Variants in GALNT13 observed in about 807,000 individuals in gnomAD.
GALNT13 encodes the protein UDP-GalNAc:polypeptide N-acetylgalactosaminyltransferase 13.
A neutral mutation model predicts 64.2 loss-of-function variants in GALNT13; 28 were observed. That is an observed-to-expected ratio of 0.44 (90% CI 0.32 to 0.60). The LOEUF (loss-of-function observed/expected upper bound fraction) is 0.60. GALNT13 is among the 20% of genes least tolerant of loss of function. GALNT13 has a pLI of 0.05. For missense variants in GALNT13, 577 were observed against 669.8 expected, an observed-to-expected ratio of 0.86 and a Z score of 1.53; for synonymous variants, 214 against 224.6, an observed-to-expected ratio of 0.95 and a Z score of 0.42.
At chr2:153,426,745 A>G in the GALNT13 span, among the ~76,000 whole-genome samples, 2 of 151,936 alleles carry the variant, frequency 1.3e-5, no homozygotes, top group African/African-American at 2.4e-5. Context: ...TATGAGATTG[A>G]AACAAAACTC....
the GALNT13 span, among the ~76,000 whole-genome samples, chr2:153,251,699 G>A: frequency 3.5e-5 from 5 of 143,092 alleles, no homozygotes; most frequent in Non-Finnish European, 6.0e-5. Flanking sequence ...CAGTTCCCAC[G>A]TATGAGTGAG....
At chr2:153,167,834 G>A in the GALNT13 span, among the ~76,000 whole-genome samples, 10 of 152,182 alleles carry the variant, frequency 6.6e-5, no homozygotes, top group South Asian at 2.1e-4. Context: ...ATTTCAAAGA[G>A]CAAGGTTAGG....
chr2:153,416,604 C>G, the GALNT13 span, among the ~76,000 whole-genome samples: 1 of 152,086 alleles, frequency 6.6e-6, no homozygotes, highest in Non-Finnish European at 1.5e-5. Context: ...CTGCTGATTA[C>G]CATTCTGTTT....
At chr2:153,575,229 G>T in the GALNT13 span, among the ~76,000 whole-genome samples, 1 of 152,220 alleles carries the variant, frequency 6.6e-6, no homozygotes, top group African/African-American at 2.4e-5. Context: ...ACATCTCTTT[G>T]TCCCTTTACT....
the GALNT13 span, among the ~76,000 whole-genome samples, chr2:153,489,819 G>A: frequency 6.6e-6 from 1 of 152,124 alleles, no homozygotes; most frequent in Non-Finnish European, 1.5e-5. Flanking sequence ...TATCAAAACT[G>A]TTGCAAAGTA....
chr2:153,774,296 G>A, the GALNT13 span, among the ~76,000 whole-genome samples: 623 of 151,964 alleles, frequency 4.1e-3, 6 homozygotes, highest in Non-Finnish European at 6.2e-3. Context: ...GGGCTTATAG[G>A]TGATGTTTCT....
intron 3 of GALNT13, among the ~76,000 whole-genome samples, chr2:153,946,745 T>C (rs953178200): frequency 2.6e-5 from 4 of 152,144 alleles, no homozygotes; most frequent in Admixed American, 6.6e-5. Context: ...TTTCAGTATA[T>C]GAATTTTGCA....
the GALNT13 span, among the ~76,000 whole-genome samples, chr2:153,599,615 T>C: frequency 6.6e-6 from 1 of 151,992 alleles, no homozygotes; most frequent in Admixed American, 6.6e-5. Flanking sequence ...TCAGGCCTTA[T>C]AGCTGTTTCA....
intron 4 of GALNT13, among the ~76,000 whole-genome samples, chr2:154,169,313 C>A (rs1685223233): frequency 6.6e-6 from 1 of 152,100 alleles, no homozygotes; most frequent in South Asian, 2.1e-4. Flanking sequence ...ATAAAATTAG[C>A]CATCACATTT....
rs1354763889 is a variant in GALNT13, at chr2:154,045,421, G to GTATT, written c.143-94916_143-94915insTATT. The stretch of plus-strand genomic sequence containing the variant: ...TCAATAATTGTATTCATGATTTACT[G>GTATT]ACACGAAATGCTCTTTATTGCCTGT... On this transcript the variant is annotated intron_variant, in intron 3 of 12. Coordinates refer to ENST00000392825, the MANE Select transcript of GALNT13 (RefSeq NM_052917.4). Among the ~76,000 whole-genome samples the GTATT allele has an allele frequency of 3.9e-5, 6 of 152,154 alleles. No homozygotes were observed. In the East Asian group the frequency reaches 1.2e-3, roughly 29 times the overall value.
the GALNT13 span, among the ~76,000 whole-genome samples, chr2:153,790,616 A>G: frequency 1.3e-5 from 2 of 152,196 alleles, no homozygotes; most frequent in Admixed American, 1.3e-4. Context: ...ATCAGGCAAG[A>G]GGAAGAAATA....
chr2:153,641,638 G>A, the GALNT13 span, among the ~76,000 whole-genome samples: 1 of 151,996 alleles, frequency 6.6e-6, no homozygotes, highest in South Asian at 2.1e-4. Flanking sequence ...ACTGGTGTGG[G>A]TCTCAGAGCA....
At chr2:153,626,643 T>C in the GALNT13 span, among the ~76,000 whole-genome samples, 1 of 152,144 alleles carries the variant, frequency 6.6e-6, no homozygotes, top group African/African-American at 2.4e-5. Flanking sequence ...CTGTATAGTT[T>C]AGCATCATCA....
chr2:153,841,308 A>G, the GALNT13 span, among the ~76,000 whole-genome samples: 3 of 152,202 alleles, frequency 2.0e-5, no homozygotes, highest in Non-Finnish European at 2.9e-5. Flanking sequence ...AACTGAATCT[A>G]TTCCTTTATA....
At chr2:153,335,752 T>G in the GALNT13 span, among the ~76,000 whole-genome samples, 3 of 152,188 alleles carry the variant, frequency 2.0e-5, no homozygotes, top group African/African-American at 7.2e-5. Context: ...TTTGCATAAG[T>G]AGCAAGGAGC....
intron 9 of GALNT13, among the ~76,000 whole-genome samples, chr2:154,390,817 T>C (rs116385021): frequency 0.013 from 1,992 of 152,300 alleles, 35 homozygotes; most frequent in African/African-American, 0.045. Context: ...GCAAGTTCCA[T>C]TGAAAGACTT....
At chr2:153,188,406 C>G in the GALNT13 span, among the ~76,000 whole-genome samples, 11 of 147,898 alleles carry the variant, frequency 7.4e-5, no homozygotes, top group South Asian at 2.4e-3. Context: ...TGGCATGAAA[C>G]CAATTAAAAG....
the GALNT13 span, among the ~76,000 whole-genome samples, chr2:153,258,010 A>G: frequency 1.7e-4 from 26 of 152,230 alleles, no homozygotes; most frequent in Admixed American, 3.3e-4. Flanking sequence ...AGGAGCCCCA[A>G]ATTATCTTGG....
At chr2:153,239,121 A>T in the GALNT13 span, among the ~76,000 whole-genome samples, 1 of 151,906 alleles carries the variant, frequency 6.6e-6, no homozygotes, top group Admixed American at 6.6e-5. Context: ...TTACTTTCTT[A>T]ATTTCTTTTT....
Sources: allele counts gnomAD v4.1 joint callset (sites outside exome capture counted in the v4.1 genomes callset), GRCh38; gene constraint gnomAD v4.1.1; transcripts MANE v1.5; gene names NCBI Gene and HGNC (gene_info 2026-07-23, HGNC 2026-07-21).